ZNF106: variants seen among roughly 807,000 people sequenced by gnomAD.
ZNF106 encodes the protein SH3-domain binding protein 3.
A neutral mutation model predicts 195.1 loss-of-function variants in ZNF106; 67 were observed. That is an observed-to-expected ratio of 0.34 (90% CI 0.28 to 0.42). The LOEUF (loss-of-function observed/expected upper bound fraction) is 0.42, where lower values mean the gene tolerates loss of function less well. ZNF106 is among the 10% of genes least tolerant of loss of function. ZNF106 has a pLI of 1.00. For missense variants in ZNF106, 2,118 were observed against 2,304.5 expected (o/e 0.92, Z 1.66); for synonymous variants, 784 against 818.6 (o/e 0.96, Z 0.72).
At position 42,439,407 on chromosome 15, in the gene ZNF106, A is replaced by G. The variant is rs1450622320; in HGVS notation, c.4170T>C (p.Pro1390=). The change falls in exon 11 of 22, where the codon CCT becomes CCC. Residue 1390 remains proline (P), a synonymous_variant. Transcript: ENST00000564754. ...CATCCTGTTCAGTGTCACTATTCTCAGGAACATGGGCAGCCCGTAGACTTT... is the reference window on the plus strand; with the variant it reads ...CATCCTGTTCAGTGTCACTATTCTCGGGAACATGGGCAGCCCGTAGACTTT... The part of the protein sequence containing the change: ...KKKSLRAAHV[P]ENSDTEQDVL... The G allele has an allele frequency of 6.2e-7, 1 of 1,614,030 alleles. No individual in the cohort carries two copies. The highest frequency in any genetic ancestry group is 1.3e-5 in the African/African-American group (1 of 74,916).
chr15:42,488,508 C>T (rs1365874601), intron 1 of ZNF106, among the ~76,000 whole-genome samples: 3 of 152,082 alleles, frequency 2.0e-5, no homozygotes, highest in Non-Finnish European at 4.4e-5. Context: ...GCTAGAGGTC[C>T]AAGTAGAGCA....
intron 10 of ZNF106, 50 bp downstream of exon 10, chr15:42,442,023 C>T: frequency 7.0e-7 from 1 of 1,425,206 alleles, no homozygotes; most frequent in Non-Finnish European, 9.6e-7. Context: ...TATAAAAATG[C>T]CCCAGTCTCA....
At position 42,439,047 on chromosome 15, in the gene ZNF106, A is replaced by G; in HGVS notation, c.4530T>C (p.Asp1510=). 1 of 1,613,050 alleles carries G rather than the reference A, an allele frequency of 6.2e-7. No individual in the cohort carries two copies. Among genetic ancestry groups the G allele is most frequent in the East Asian group, 2.2e-5 (1 of 44,882 alleles). ...STSEIGTRYK[D]GIPVSVAETQ... ...AATATTCTTACCTTACAGGGATGCC[A>G]TCTTTATAGCGAGTGCCAATTTCAC... The change falls in exon 11 of 22, where the codon GAT becomes GAC. Residue 1510 remains aspartate (D), a synonymous_variant. Transcript: ENST00000564754.
At chr15:42,472,215 T>A in intron 2 of ZNF106, 21 bp downstream of exon 2, 1 of 1,528,694 alleles carries the variant, frequency 6.5e-7, no homozygotes, top group Non-Finnish European at 8.8e-7. Context: ...AAGCCTCAGA[T>A]TCTCCCTCTT....
intron 1 of ZNF106, among the ~76,000 whole-genome samples, chr15:42,485,182 T>A (rs2056985387): frequency 6.6e-6 from 1 of 152,180 alleles, no homozygotes; most frequent in Non-Finnish European, 1.5e-5. Context: ...AAATACTGTA[T>A]GTTTATGTTA....
At chr15:42,466,305 A>C (rs192453441) in intron 2 of ZNF106, among the ~76,000 whole-genome samples, 191 bp from the exon 3 acceptor site, 4 of 152,336 alleles carry the variant, frequency 2.6e-5, no homozygotes, top group African/African-American at 9.6e-5. Flanking sequence ...TTTCATGTTT[A>C]AATAAAAAGA....
chr15:42,483,757 C>G (rs2056955068), intron 1 of ZNF106, among the ~76,000 whole-genome samples: 1 of 152,154 alleles, frequency 6.6e-6, no homozygotes, highest in Non-Finnish European at 1.5e-5. Context: ...GACAAAATGA[C>G]ATTTTCAGTT....
chr15:42,487,920 TC>T (rs1480193619), intron 1 of ZNF106, among the ~76,000 whole-genome samples: 2 of 152,074 alleles, frequency 1.3e-5, no homozygotes, highest in Non-Finnish European at 2.9e-5. Context: ...GGTTCCAGGA[TC>T]CCCCTCAATA....
intron 1 of ZNF106, among the ~76,000 whole-genome samples, chr15:42,481,842 T>C (rs1338332729): frequency 6.6e-6 from 1 of 152,182 alleles, no homozygotes; most frequent in Non-Finnish European, 1.5e-5. Flanking sequence ...TTTCTAGATT[T>C]TTCCTTTTGT....
chr15:42,446,552 C>T (rs372777959), intron 7 of ZNF106, 37 bp downstream of exon 7: 21 of 1,549,616 alleles, frequency 1.4e-5, no homozygotes, highest in Non-Finnish European at 1.8e-5. Flanking sequence ...AACCAAAAAA[C>T]ACCAACTTCT....
At chr15:42,434,917 G>A (rs1347061015) in intron 14 of ZNF106, among the ~76,000 whole-genome samples, 4 of 152,012 alleles carry the variant, frequency 2.6e-5, no homozygotes, top group Non-Finnish European at 5.9e-5. Context: ...GCAATTACAG[G>A]CATGCACCAC....
intron 16 of ZNF106, 72 bp from the exon 17 acceptor site, chr15:42,424,132 T>G (rs1035735103): frequency 2.3e-6 from 3 of 1,318,100 alleles, no homozygotes; most frequent in African/African-American, 3.0e-5. Context: ...GTAATACACA[T>G]TGGCAAATTC....
chr15:42,419,741 G>A (rs1487536078), intron 20 of ZNF106, among the ~76,000 whole-genome samples: 1 of 152,166 alleles, frequency 6.6e-6, no homozygotes, highest in Non-Finnish European at 1.5e-5. Context: ...CACAAGGTCA[G>A]GAGTTCAAGA....
chr15:42,418,357 C>CTTTTT (rs540271844), intron 20 of ZNF106, among the ~76,000 whole-genome samples: 2 of 122,874 alleles, frequency 1.6e-5, no homozygotes, highest in African/African-American at 6.5e-5. Flanking sequence ...ATCGAAAGGG[C>CTTTTT]TTTTTTTTTT....
At chr15:42,444,080 C>T (rs2055666888) in intron 9 of ZNF106, 122 bp downstream of exon 9, 1 of 675,656 alleles carries the variant, frequency 1.5e-6, no homozygotes, top group South Asian at 2.5e-5. Context: ...CCACTGCACT[C>T]CAGCCTGGGA....
chr15:42,470,024 A>AG (rs928088729), intron 2 of ZNF106, among the ~76,000 whole-genome samples: 18 of 151,752 alleles, frequency 1.2e-4, no homozygotes, highest in Admixed American at 8.5e-4. Context: ...GTTGGAGGGG[A>AG]GGGGGGACTC....
intron 15 of ZNF106, chr15:42,425,608 T>C (rs1361667050): frequency 6.6e-6 from 1 of 152,224 alleles, no homozygotes; most frequent in African/African-American, 2.4e-5. Context: ...TTCAAGTGAG[T>C]CTCCTGCCGC....
intron 1 of ZNF106, among the ~76,000 whole-genome samples, chr15:42,489,697 T>C (rs147841477): frequency 3.9e-5 from 6 of 152,180 alleles, no homozygotes; most frequent in African/African-American, 9.6e-5. Flanking sequence ...TTTTAAGATT[T>C]CCCATGCTAT....
At chr15:42,424,272 G>T in intron 16 of ZNF106, 1 of 518,476 alleles carries the variant, frequency 1.9e-6, no homozygotes, top group Non-Finnish European at 3.4e-6. Context: ...TATTACGTTT[G>T]TTACCTTTCC....
Sources: gnomAD v4.1 joint callset for allele counts (sites outside exome capture counted in the v4.1 genomes callset) on GRCh38, gnomAD v4.1.1 for gene constraint, MANE v1.5 for transcripts, NCBI Gene and HGNC (gene_info 2026-07-23, HGNC 2026-07-21) for gene names.